Variants in ECE1 observed in about 807,000 individuals in gnomAD.
ECE1 encodes the protein endothelin converting enzyme 1, also known as endothelin-converting enzyme 1.
ECE1 carries 35 observed loss-of-function variants against 98.6 expected under a neutral mutation model. The ratio of observed to expected loss-of-function variants is 0.35; its 90% CI spans 0.27 to 0.47. ECE1 has a LOEUF of 0.47. ECE1 is among the 20% of genes least tolerant of loss of function. The pLI is 1.00. For missense variants in ECE1, 814 were observed against 1,025.3 expected, an observed-to-expected ratio of 0.79 and a Z score of 2.81; for synonymous variants, 394 against 407.1, an observed-to-expected ratio of 0.97 and a Z score of 0.39.
intron 15 of ECE1, 149 bp downstream of exon 15, chr1:21,227,782 G>A: frequency 1.6e-6 from 1 of 630,962 alleles, no homozygotes; most frequent in Non-Finnish European, 2.8e-6. Flanking sequence ...GAAAGTGGGT[G>A]AGGATGTTGC....
intron 1 of ECE1, among the ~76,000 whole-genome samples, chr1:21,341,725 C>A (rs1639403463): frequency 6.6e-6 from 1 of 152,194 alleles, no homozygotes; most frequent in African/African-American, 2.4e-5. Flanking sequence ...CTGGGAGCCC[C>A]ATCTGGAGTG....
At chr1:21,295,611 A>G (rs1432684360) in intron 1 of ECE1, among the ~76,000 whole-genome samples, 1 of 152,204 alleles carries the variant, frequency 6.6e-6, no homozygotes, top group Non-Finnish European at 1.5e-5. Flanking sequence ...TTTGGCTGCC[A>G]GGAAACTCAT....
At chr1:21,265,082 G>C (rs2098232198) in intron 4 of ECE1, among the ~76,000 whole-genome samples, 1 of 152,112 alleles carries the variant, frequency 6.6e-6, no homozygotes, top group South Asian at 2.1e-4. Flanking sequence ...TGTCTTCCCT[G>C]CTGGAATGTA....
intron 10 of ECE1, among the ~76,000 whole-genome samples, chr1:21,239,778 TTTC>T (rs2098193622): frequency 6.6e-6 from 1 of 152,000 alleles, no homozygotes; most frequent in African/African-American, 2.4e-5. Flanking sequence ...TATACATTTT[TTTC>T]TTTCTTTTTT....
intron 17 of ECE1, 73 bp from the exon 18 acceptor site, chr1:21,221,915 T>C: frequency 2.3e-6 from 3 of 1,330,748 alleles, no homozygotes; most frequent in Non-Finnish European, 3.3e-6. Flanking sequence ...TATGGAGGTC[T>C]CAGGGAGCTC....
chr1:21,288,457 C>T (rs2098262976), intron 2 of ECE1, among the ~76,000 whole-genome samples: 1 of 152,206 alleles, frequency 6.6e-6, no homozygotes, highest in East Asian at 1.9e-4. Flanking sequence ...AACTCAAACC[C>T]GGGTCGCTGG....
In ECE1 at chr1:21,301,225, T is replaced by C. The variant is rs149743525; in HGVS notation, c.4-11069A>G. ...AAGCCAATTCATGGGCCGGGCGCGG[T>C]GGCTCACACCTGCAATCCCAGCACT... On this transcript the variant is annotated intron_variant, in intron 1 of 18. Transcript: ENST00000415912. 2.8e-4 allele frequency among the ~76,000 whole-genome samples: 42 copies of C among 152,332 alleles called. 1 individual carries two copies. Among genetic ancestry groups the C allele is most frequent in the African/African-American group, 7.9e-4 (33 of 41,588 alleles).
intron 5 of ECE1, among the ~76,000 whole-genome samples, chr1:21,259,586 T>C (rs1395328050): frequency 6.6e-6 from 1 of 152,056 alleles, no homozygotes; most frequent in African/African-American, 2.4e-5. Flanking sequence ...ATGGGACCTG[T>C]CCAGAGAGGA....
chr1:21,291,557 C>T (rs993562530), upstream of ECE1, among the ~76,000 whole-genome samples: 2 of 152,092 alleles, frequency 1.3e-5, no homozygotes, highest in Non-Finnish European at 2.9e-5. Flanking sequence ...CACCATGGCT[C>T]GCTCGCGCCT....
At chr1:21,301,782 C>T (rs1021477633) in intron 1 of ECE1, among the ~76,000 whole-genome samples, 72 of 137,946 alleles carry the variant, frequency 5.2e-4, no homozygotes, top group Non-Finnish European at 1.0e-3. Flanking sequence ...GCCGAGATTG[C>T]ACCACTGTAC....
At chr1:21,336,724 T>A (rs1000587392) in intron 1 of ECE1, among the ~76,000 whole-genome samples, 4 of 152,088 alleles carry the variant, frequency 2.6e-5, no homozygotes, top group African/African-American at 9.7e-5. Flanking sequence ...GCACCTGTAG[T>A]CCCAGCTACT....
At chr1:21,309,211 GA>G (rs957438670) in intron 1 of ECE1, among the ~76,000 whole-genome samples, 23 of 152,310 alleles carry the variant, frequency 1.5e-4, no homozygotes, top group African/African-American at 5.5e-4. Context: ...GACACAGAAA[GA>G]ACCCTGGGCT....
chr1:21,299,958 G>A lies in ECE1; in HGVS notation c.4-9802C>T, dbSNP rs1638448068. 2.0e-5 allele frequency among the ~76,000 whole-genome samples: 3 copies of A among 152,334 alleles called. No homozygotes were observed. In the South Asian group the frequency reaches 6.2e-4, roughly 32 times the overall value. ...CAGCAACCCAAAATACAAAAGAGAT[G>A]TAAGTGGAGCTGCCACTTAGGCACT... On this transcript the variant is annotated intron_variant, in intron 1 of 18. Coordinates refer to the ECE1 transcript ENST00000415912.
intron 1 of ECE1, among the ~76,000 whole-genome samples, chr1:21,339,254 C>T (rs981526193): frequency 3.3e-5 from 5 of 152,162 alleles, no homozygotes; most frequent in Admixed American, 2.0e-4. Flanking sequence ...CTGTCAAGTG[C>T]GGTGCAAAGG....
intron 8 of ECE1, among the ~76,000 whole-genome samples, chr1:21,253,034 ATTATTTTATT>A (rs149724130): frequency 3.9e-4 from 58 of 147,834 alleles, no homozygotes; most frequent in South Asian, 6.5e-4. Context: ...GGACTTCTTT[ATTATTTTATT>A]TTATTTTATT....
chr1:21,297,785 C>A (rs892768861), intron 1 of ECE1, among the ~76,000 whole-genome samples: 1 of 151,644 alleles, frequency 6.6e-6, no homozygotes, highest in Admixed American at 6.6e-5. Context: ...GATCCACCCA[C>A]CTCCGCCTCC....
intron 1 of ECE1, among the ~76,000 whole-genome samples, chr1:21,313,908 G>A (rs188240348): frequency 8.5e-5 from 13 of 152,248 alleles, no homozygotes; most frequent in Non-Finnish European, 1.6e-4. Context: ...GAACGGGTAC[G>A]AGCAGCTGGA....
intron 1 of ECE1, among the ~76,000 whole-genome samples, chr1:21,339,449 G>A (rs967989931): frequency 6.6e-6 from 1 of 152,124 alleles, no homozygotes; most frequent in African/African-American, 2.4e-5. Context: ...GAATCGGGGA[G>A]CCACTGTCTA....
chr1:21,320,794 G>A (rs1341827741), intron 1 of ECE1, among the ~76,000 whole-genome samples: 1 of 152,202 alleles, frequency 6.6e-6, no homozygotes, highest in Non-Finnish European at 1.5e-5. Flanking sequence ...GAGGGTTCCT[G>A]AGGTCCCCAG....
Sources: allele counts gnomAD v4.1 joint callset (sites outside exome capture counted in the v4.1 genomes callset), GRCh38; gene constraint gnomAD v4.1.1; transcripts MANE v1.5; gene names NCBI Gene and HGNC (gene_info 2026-07-23, HGNC 2026-07-21).